The following GALNT18 variants were observed in gnomAD, a reference collection of about 807,000 sequenced individuals.
GALNT18 encodes polypeptide N-acetylgalactosaminyltransferase 18, also known as GalNAc-transferase 18.
In GALNT18, 44 loss-of-function variants were observed where a neutral mutation model predicts 69.5. The observed-to-expected ratio is 0.63, with a 90% confidence interval of 0.50 to 0.81. The LOEUF is 0.81. GALNT18 is among the 40% of genes least tolerant of loss of function. The probability of loss-of-function intolerance (pLI) is 0.00; values close to 1 mark genes in which losing one functional copy is unlikely to be tolerated. For missense variants in GALNT18, 715 were observed against 810.0 expected, an observed-to-expected ratio of 0.88 and a Z score of 1.42; for synonymous variants, 364 against 318.2, an observed-to-expected ratio of 1.14 and a Z score of -1.53.
At chr11:11,491,609 G>A (rs902914024) in intron 1 of GALNT18, among the ~76,000 whole-genome samples, 2 of 152,228 alleles carry the variant, frequency 1.3e-5, no homozygotes, top group African/African-American at 4.8e-5. Context: ...TATGCACAGA[G>A]TCCGTTGATA....
intron 9 of GALNT18, among the ~76,000 whole-genome samples, chr11:11,326,356 T>C (rs1564895943): frequency 6.6e-6 from 1 of 152,144 alleles, no homozygotes; most frequent in Non-Finnish European, 1.5e-5. Context: ...AAACATCTTT[T>C]TAAATCATTG....
At chr11:11,477,314 G>A (rs975374284) in intron 1 of GALNT18, among the ~76,000 whole-genome samples, 2 of 152,244 alleles carry the variant, frequency 1.3e-5, no homozygotes, top group Admixed American at 6.5e-5. Context: ...GGAACCATGT[G>A]AGGGTTGGGA....
chr11:11,521,950 C>T (rs551787522), intron 1 of GALNT18, among the ~76,000 whole-genome samples: 3 of 152,290 alleles, frequency 2.0e-5, no homozygotes, highest in African/African-American at 7.2e-5. Flanking sequence ...GACCAGCTGA[C>T]CCCAGAGAGG....
chr11:11,516,485 G>C (rs542439843), intron 1 of GALNT18, among the ~76,000 whole-genome samples: 1 of 152,242 alleles, frequency 6.6e-6, no homozygotes, highest in African/African-American at 2.4e-5. Context: ...TGCAAAATTA[G>C]CTGGATGTGG....
chr11:11,344,114 C>T (rs1414499815), intron 6 of GALNT18, among the ~76,000 whole-genome samples: 1 of 152,228 alleles, frequency 6.6e-6, no homozygotes, highest in East Asian at 1.9e-4. Context: ...CACTGCCTCT[C>T]CTGCACCATG....
At position 11,396,688 on chromosome 11, in the gene GALNT18, T is replaced by G. The variant is rs1011202107; in HGVS notation, c.596-17424A>C. ...ACGCCACCTAATCTAAGGGTGAAAG[T>G]GTTTGGTGAGGTCAAAAGGGAAGAA... On this transcript the variant is annotated intron_variant, in intron 3 of 10. Coordinates refer to ENST00000227756, the MANE Select transcript of GALNT18 (RefSeq NM_198516.3). The surrounding 1 kb of genome is among the most constrained non-coding windows in gnomAD (Gnocchi z 5.2). Among the ~76,000 whole-genome samples, 2 of 152,026 alleles carry G rather than the reference T, an allele frequency of 1.3e-5. No homozygotes were observed. Among genetic ancestry groups the G allele is most frequent in the African/African-American group, 4.8e-5 (2 of 41,374 alleles).
Position 11,606,583 on chromosome 11 carries a change from T to C in GALNT18, c.235+14776A>G, listed in dbSNP as rs1231518029. Among the ~76,000 whole-genome samples the C allele has an allele frequency of 6.6e-6, 1 of 152,130 alleles. No individual in the cohort carries two copies. Among genetic ancestry groups the C allele is most frequent in the Non-Finnish European group, 1.5e-5 (1 of 68,016 alleles). ...TTCCCAGATACGGAGGCAGCATCAC[T>C]AGGAGCTGTTGGACCCGAAGTCAGG... is the stretch of plus-strand genomic sequence containing the variant. On this transcript the variant is annotated intron_variant, in intron 1 of 10. Transcript: ENST00000227756. This position sits in a 1 kb window ranked among gnomAD's most constrained non-coding sequence, Gnocchi z 5.4.
rs1254571029 is a variant in GALNT18, at chr11:11,332,490, C to A, written c.1416+204G>T. Among the ~76,000 whole-genome samples the A allele has an allele frequency of 1.3e-5, 2 of 152,318 alleles. No individual in the cohort carries two copies. Among genetic ancestry groups the A allele is most frequent in the Non-Finnish European group, 1.5e-5 (1 of 68,032 alleles). ...ATTGCTTAGGACTATAAAGGAGAGACAAGTACCTCTCTCAAGGGACTGGAG... is the reference window on the plus strand; with the variant it reads ...ATTGCTTAGGACTATAAAGGAGAGAAAAGTACCTCTCTCAAGGGACTGGAG... On this transcript the variant is annotated intron_variant, in intron 8 of 10. Transcript: ENST00000227756. This position sits in a 1 kb window ranked among gnomAD's most constrained non-coding sequence, Gnocchi z 4.3.
chr11:11,471,774 T>C (rs1856275727), intron 1 of GALNT18, among the ~76,000 whole-genome samples: 1 of 152,212 alleles, frequency 6.6e-6, no homozygotes, highest in African/African-American at 2.4e-5. Context: ...AATTCTGTAG[T>C]ACTTTTCTGA....
intron 6 of GALNT18, chr11:11,351,821 C>T (rs1229385321): frequency 3.7e-6 from 3 of 803,616 alleles, no homozygotes; most frequent in Non-Finnish European, 5.8e-6. Context: ...TATAAATCCA[C>T]AAGCAACGGT....
At chr11:11,280,691 T>A (rs1445412341) in intron 10 of GALNT18, among the ~76,000 whole-genome samples, 2 of 152,170 alleles carry the variant, frequency 1.3e-5, no homozygotes, top group Non-Finnish European at 2.9e-5. Flanking sequence ...TCTGGCTAAT[T>A]TCTGCCCCTC....
At chr11:11,410,495 A>G (rs7948809) in intron 3 of GALNT18, among the ~76,000 whole-genome samples, 54,900 of 152,000 alleles carry the variant, frequency 0.36, 9,991 homozygotes, top group East Asian at 0.41. Context: ...TAATAAAGAC[A>G]GCAAATGAAT....
intron 1 of GALNT18, among the ~76,000 whole-genome samples, chr11:11,571,626 G>A (rs1428883010): frequency 2.0e-5 from 3 of 152,148 alleles, no homozygotes; most frequent in Non-Finnish European, 4.4e-5. Flanking sequence ...AGCTGGCTTT[G>A]GCCACCTCTT....
intron 1 of GALNT18, among the ~76,000 whole-genome samples, chr11:11,525,825 G>T (rs1339283645): frequency 6.6e-6 from 1 of 151,808 alleles, no homozygotes; most frequent in African/African-American, 2.4e-5. Context: ...GTAGAGACAG[G>T]GTTTCTCCAT....
chr11:11,286,052 C>T (rs1264583654), intron 10 of GALNT18, among the ~76,000 whole-genome samples: 2 of 152,234 alleles, frequency 1.3e-5, no homozygotes, highest in South Asian at 2.1e-4. Flanking sequence ...AATGCATCAG[C>T]GCTGCTCTGA....
rs549725410 is a variant in GALNT18, at chr11:11,470,926, C to T, written c.236-21990G>A. Among the ~76,000 whole-genome samples the T allele has an allele frequency of 2.0e-5, 3 of 152,178 alleles. No homozygotes were observed. Among genetic ancestry groups the T allele is most frequent in the African/African-American group, 4.8e-5 (2 of 41,440 alleles). On this transcript the variant is annotated intron_variant, in intron 1 of 10. Transcript: ENST00000227756. This position sits in a 1 kb window ranked among gnomAD's most constrained non-coding sequence, Gnocchi z 4.8. ...TAAAAACCTTTGCCTGAGAATCAAA[C>T]GTCCTGCCAAATGGCTTCTTGATTT...
chr11:11,516,955 T>C (rs1201408825), intron 1 of GALNT18, among the ~76,000 whole-genome samples: 2 of 152,172 alleles, frequency 1.3e-5, no homozygotes, highest in East Asian at 3.8e-4. Context: ...AAGGTGGTGG[T>C]ACTAGGAGGT....
rs371946969 is a variant in GALNT18 at position 11,394,242 on chromosome 11, G to C, written c.596-14978C>G. ...GAAGGGGCTTTCCTAGGAGGATAAA[G>C]GGGGCATTAAAAAACCATCACAGGT... On this transcript the variant is annotated intron_variant, in intron 3 of 10. Transcript: ENST00000227756. Among the ~76,000 whole-genome samples, 22 of 152,292 alleles carry C rather than the reference G, an allele frequency of 1.4e-4. No individual in the cohort carries two copies. The South Asian group carries it at 4.4e-3, about 30-fold the overall frequency.
chr11:11,589,118 T>C (rs1159059102), intron 1 of GALNT18, among the ~76,000 whole-genome samples: 2 of 152,222 alleles, frequency 1.3e-5, no homozygotes, highest in Non-Finnish European at 1.5e-5. Context: ...GTTTGGACTC[T>C]GCTGGTTAGC....
Sources: allele counts gnomAD v4.1 joint callset (sites outside exome capture counted in the v4.1 genomes callset), GRCh38; gene constraint gnomAD v4.1.1; non-coding constraint Gnocchi (gnomAD v3.1); transcripts MANE v1.5; gene names NCBI Gene and HGNC (gene_info 2026-07-23, HGNC 2026-07-21).